Variants in CADM1 observed in about 807,000 individuals in gnomAD.
CADM1 encodes the protein TSLC-1.
A neutral mutation model predicts 53.1 loss-of-function variants in CADM1; 15 were observed. The observed-to-expected ratio is 0.28, with a 90% CI of 0.19 to 0.44. The LOEUF is 0.44. Ranked by LOEUF, CADM1 falls within the 20% of genes least tolerant of loss-of-function variation. The probability of loss-of-function intolerance (pLI) is 1.00; values close to 1 mark genes in which losing one functional copy is unlikely to be tolerated. For synonymous variants in CADM1, 281 were observed against 243.0 expected (o/e 1.16, Z -1.45); for missense variants, 434 against 611.3 (o/e 0.71, Z 3.06).
At chr11:115,374,931 A>C (rs1946401116) in intron 1 of CADM1, among the ~76,000 whole-genome samples, 1 of 152,190 alleles carries the variant, frequency 6.6e-6, no homozygotes, top group Non-Finnish European at 1.5e-5. Context: ...GGTTTTTTTC[A>C]AAGTAATAAT....
intron 3 of CADM1, among the ~76,000 whole-genome samples, chr11:115,236,363 C>T (rs186652407): frequency 4.1e-4 from 63 of 152,254 alleles, no homozygotes; most frequent in Non-Finnish European, 7.9e-4. Context: ...AACAATTTTA[C>T]TCTGTCAAGG....
intron 11 of CADM1, among the ~76,000 whole-genome samples, chr11:115,177,235 A>G (rs963273422): frequency 2.0e-5 from 3 of 152,214 alleles, no homozygotes; most frequent in African/African-American, 7.2e-5. Flanking sequence ...ATGAGCAAGT[A>G]GGTCTCTCTC....
rs988190981 is a variant in CADM1 at position 115,175,145 on chromosome 11, G to A, written c.*1329C>T. The A allele has an allele frequency of 2.3e-5, 23 of 985,794 alleles. No homozygotes were observed. The highest frequency in any genetic ancestry group is 1.1e-4 in the East Asian group (1 of 8,806). 61.1% of individuals were successfully genotyped at this position (985,794 alleles called of 1,614,324 possible). A position where few individuals can be genotyped will look rare whatever the true frequency, so the allele number is the denominator to read the frequency against. On this transcript the variant is annotated 3_prime_UTR_variant, in exon 12 of 12. Coordinates refer to ENST00000331581, the MANE Select transcript of CADM1 (RefSeq NM_001301043.2). ...GTTTTGATTAAGTAACTGAAAATCC[G>A]TACATGCTGTTTTTCCACCTCTGCT...
chr11:115,253,756 T>A (rs188305508), intron 1 of CADM1, among the ~76,000 whole-genome samples: 6 of 152,336 alleles, frequency 3.9e-5, no homozygotes, highest in Admixed American at 2.0e-4. Flanking sequence ...CTCAAAGCCA[T>A]CAGCTTTCTC....
intron 1 of CADM1, among the ~76,000 whole-genome samples, chr11:115,269,352 C>T (rs1943235287): frequency 6.6e-6 from 1 of 152,134 alleles, no homozygotes; most frequent in Non-Finnish European, 1.5e-5. Context: ...ACACCAGCAG[C>T]TTACCCAAGC....
chr11:115,349,263 C>T (rs565709267), intron 1 of CADM1, among the ~76,000 whole-genome samples: 1 of 152,266 alleles, frequency 6.6e-6, no homozygotes, highest in East Asian at 1.9e-4. Flanking sequence ...AAAATCAAGA[C>T]TAAAATATAA....
At chr11:115,358,381 G>C (rs1945934130) in intron 1 of CADM1, among the ~76,000 whole-genome samples, 1 of 152,184 alleles carries the variant, frequency 6.6e-6, no homozygotes, top group African/African-American at 2.4e-5. Context: ...GGCGGAAGGT[G>C]AAAGGCATGT....
intron 10 of CADM1, among the ~76,000 whole-genome samples, chr11:115,186,223 A>G (rs1379642111): frequency 6.6e-6 from 1 of 152,180 alleles, no homozygotes; most frequent in African/African-American, 2.4e-5. Context: ...TCACTTTCCC[A>G]TGGCACTTAG....
chr11:115,291,724 C>T (rs1011628788), intron 1 of CADM1, among the ~76,000 whole-genome samples: 3 of 152,128 alleles, frequency 2.0e-5, no homozygotes, highest in African/African-American at 4.8e-5. Flanking sequence ...TCTCTCTCAC[C>T]CTCACTTGGG....
At chr11:115,360,116 T>C (rs1024592816) in intron 1 of CADM1, among the ~76,000 whole-genome samples, 3 of 152,138 alleles carry the variant, frequency 2.0e-5, no homozygotes, top group African/African-American at 7.2e-5. Context: ...TAAAATAATA[T>C]ACCTGCTACT....
intron 1 of CADM1, chr11:115,399,008 A>G (rs2135206376): frequency 6.6e-6 from 1 of 152,336 alleles, no homozygotes; most frequent in East Asian, 1.9e-4. Flanking sequence ...GAGCAACAAA[A>G]TCTATATATT....
chr11:115,343,008 T>G (rs753096701), intron 1 of CADM1, among the ~76,000 whole-genome samples: 2 of 152,190 alleles, frequency 1.3e-5, no homozygotes, highest in Non-Finnish European at 2.9e-5. Context: ...AGGGGTTATG[T>G]GCATGGATGT....
Position 115,504,145 on chromosome 11 carries a change from A to G in CADM1, c.124+126T>C. On this transcript the variant is annotated intron_variant, in intron 1 of 11. Coordinates refer to ENST00000331581, the MANE Select transcript of CADM1 (RefSeq NM_001301043.2). ...TCTCAGCCCTGAGTTTCCTCTCCAC[A>G]CTCCCTCCGCTTCGGATGTAGGAAG... 2.9e-6 allele frequency: 4 copies of G among 1,394,678 alleles called. No individual in the cohort carries two copies. The East Asian group carries it at 7.5e-5, about 26-fold the overall frequency. The allele number at this position is 1,394,678 out of a possible 1,614,324, so 86.4% of individuals were successfully genotyped here.
At chr11:115,363,857 A>T (rs1791986750) in intron 1 of CADM1, among the ~76,000 whole-genome samples, 1 of 152,194 alleles carries the variant, frequency 6.6e-6, no homozygotes, top group East Asian at 1.9e-4. Flanking sequence ...TTATAATACC[A>T]TATTTTTGCT....
chr11:115,426,956 TAGGAATGCCAC>T (rs1947908247), intron 1 of CADM1, among the ~76,000 whole-genome samples: 1 of 152,034 alleles, frequency 6.6e-6, no homozygotes, highest in African/African-American at 2.4e-5. Context: ...AAGGTGCAGA[TAGGAATGCCAC>T]AGGAATACAG....
At chr11:115,461,618 A>G (rs1173360939) in intron 1 of CADM1, among the ~76,000 whole-genome samples, 1 of 152,222 alleles carries the variant, frequency 6.6e-6, no homozygotes, top group Non-Finnish European at 1.5e-5. Context: ...GGGGCTGCCT[A>G]GGTGAACGGC....
intron 1 of CADM1, among the ~76,000 whole-genome samples, chr11:115,406,461 T>G (rs1160297254): frequency 1.3e-5 from 2 of 150,008 alleles, no homozygotes; most frequent in East Asian, 3.9e-4. Flanking sequence ...TAAATACATG[T>G]GAAATATACA....
chr11:115,305,187 A>G (rs1332752495), intron 1 of CADM1, among the ~76,000 whole-genome samples: 1 of 151,972 alleles, frequency 6.6e-6, no homozygotes, highest in East Asian at 1.9e-4. Flanking sequence ...CAAGTGCTTA[A>G]TATGAGATGA....
chr11:115,391,241 G>T (rs1401326657), intron 1 of CADM1, among the ~76,000 whole-genome samples: 1 of 152,120 alleles, frequency 6.6e-6, no homozygotes, highest in South Asian at 2.1e-4. Context: ...CAAAAATAAA[G>T]AACTTCTCTG....
Sources: gnomAD v4.1 joint callset for allele counts (sites outside exome capture counted in the v4.1 genomes callset) on GRCh38, gnomAD v4.1.1 for gene constraint, MANE v1.5 for transcripts, NCBI Gene and HGNC (gene_info 2026-07-23, HGNC 2026-07-21) for gene names.